Variants in CRTAC1 observed in about 807,000 individuals in gnomAD.
CRTAC1 encodes acidic secreted protein in cartilage.
A neutral mutation model predicts 67.8 loss-of-function variants in CRTAC1; 37 were observed. The ratio of observed to expected loss-of-function variants is 0.55; its 90% CI spans 0.42 to 0.72. CRTAC1 has a LOEUF of 0.72. CRTAC1 is among the 30% of genes least tolerant of loss of function. CRTAC1 has a pLI of 0.00. For missense variants in CRTAC1, 780 were observed against 931.6 expected (o/e 0.84, Z 2.12); for synonymous variants, 348 against 371.0 (o/e 0.94, Z 0.71).
At chr10:97,867,556 G>A (rs2050042514) in intron 14 of CRTAC1, 1 of 152,346 alleles carries the variant, frequency 6.6e-6, no homozygotes, top group South Asian at 2.1e-4. Flanking sequence ...CTGGTCCAAG[G>A]ATCCCCCTGG....
chr10:97,933,548 T>G (rs984066603), intron 3 of CRTAC1, among the ~76,000 whole-genome samples: 4 of 152,216 alleles, frequency 2.6e-5, no homozygotes. Flanking sequence ...GGCCACAACA[T>G]GAACGTACAA....
chr10:97,915,042 T>G lies in CRTAC1; in HGVS notation c.715+2458A>C, dbSNP rs11189429. On this transcript the variant is annotated intron_variant, in intron 5 of 14. Transcript: ENST00000370597. Reference sequence around the variant, plus strand: ...TGAAGGCCGGTACCTGGATAGCACCTTTGCCTAGCCTGCCCTGGGGTGGCT... The same window carrying G: ...TGAAGGCCGGTACCTGGATAGCACCGTTGCCTAGCCTGCCCTGGGGTGGCT... Among the ~76,000 whole-genome samples the G allele has an allele frequency of 1.1e-3, 174 of 152,258 alleles. 2 individuals carry two copies. In the East Asian group the frequency reaches 0.028, roughly 25 times the overall value.
intron 3 of CRTAC1, among the ~76,000 whole-genome samples, chr10:97,933,800 C>T (rs185000243): frequency 6.6e-6 from 1 of 152,330 alleles, no homozygotes; most frequent in African/African-American, 2.4e-5. Flanking sequence ...ATGAAACTAG[C>T]ATGATTCTGA....
intron 14 of CRTAC1, among the ~76,000 whole-genome samples, chr10:97,874,371 C>G (rs2050123693): frequency 6.6e-6 from 1 of 152,236 alleles, no homozygotes; most frequent in African/African-American, 2.4e-5. Flanking sequence ...TAGCTCAGTT[C>G]ACTTTGTTTT....
chr10:97,949,133 C>T (rs1239582754), intron 2 of CRTAC1, among the ~76,000 whole-genome samples: 2 of 152,308 alleles, frequency 1.3e-5, no homozygotes, highest in South Asian at 2.1e-4. Flanking sequence ...AGTCACAGTG[C>T]AGCAGCCTGC....
intron 2 of CRTAC1, among the ~76,000 whole-genome samples, chr10:97,968,435 G>A (rs1020426996): frequency 6.6e-6 from 1 of 152,116 alleles, no homozygotes; most frequent in African/African-American, 2.4e-5. Flanking sequence ...TAGTAGAGAT[G>A]GGGTTTCACC....
chr10:97,948,353 AGAGAGGAGAG>A (rs761542598), intron 2 of CRTAC1, among the ~76,000 whole-genome samples: 1 of 152,162 alleles, frequency 6.6e-6, no homozygotes, highest in Non-Finnish European at 1.5e-5. Flanking sequence ...CTGTTTCCTT[AGAGAGGAGAG>A]GAGAGGAGAG....
At chr10:98,015,774 T>C (rs545631699) in intron 1 of CRTAC1, among the ~76,000 whole-genome samples, 1 of 152,332 alleles carries the variant, frequency 6.6e-6, no homozygotes, top group Non-Finnish European at 1.5e-5. Context: ...AGATTCTGAT[T>C]CAATAATTCT....
chr10:97,908,656 A>G (rs754547373), intron 5 of CRTAC1, among the ~76,000 whole-genome samples: 20 of 152,234 alleles, frequency 1.3e-4, no homozygotes, highest in Non-Finnish European at 2.6e-4. Flanking sequence ...GACGTTAAAC[A>G]ATTACATCCA....
intron 14 of CRTAC1, chr10:97,878,462 TGAA>T: frequency 2.0e-6 from 1 of 504,962 alleles, no homozygotes; most frequent in East Asian, 9.0e-5. Context: ...TTTTTTTTGT[TGAA>T]TATGTTTTTA....
At chr10:97,890,418 G>A (rs982224227) in intron 11 of CRTAC1, among the ~76,000 whole-genome samples, 4 of 152,068 alleles carry the variant, frequency 2.6e-5, no homozygotes, top group African/African-American at 9.7e-5. Context: ...CTTGGACATA[G>A]GTTAAGAGGG....
intron 2 of CRTAC1, among the ~76,000 whole-genome samples, chr10:98,010,662 C>T (rs1034565279): frequency 4.6e-5 from 7 of 152,110 alleles, no homozygotes; most frequent in Non-Finnish European, 2.9e-5. Context: ...TCCATCTTCC[C>T]CCCTCTTTGA....
chr10:97,882,598 T>C (rs1389303171), intron 13 of CRTAC1, among the ~76,000 whole-genome samples, 188 bp downstream of exon 13: 1 of 152,196 alleles, frequency 6.6e-6, no homozygotes, highest in Non-Finnish European at 1.5e-5. Context: ...GGGTCACTAA[T>C]ATCACTCCCA....
chr10:97,914,865 A>G (rs1002347308), intron 5 of CRTAC1, among the ~76,000 whole-genome samples: 16 of 152,142 alleles, frequency 1.1e-4, no homozygotes, highest in African/African-American at 3.6e-4. Context: ...TCTCTCTCCC[A>G]ATCTCTCGCT....
chr10:97,900,277 G>A (rs2050514210), intron 8 of CRTAC1, among the ~76,000 whole-genome samples: 1 of 152,224 alleles, frequency 6.6e-6, no homozygotes, highest in African/African-American at 2.4e-5. Context: ...TTTCCCAAAG[G>A]ATGGTTTGCA....
chr10:98,005,096 A>ATTTTTTTTTTTTTTT, intron 2 of CRTAC1, among the ~76,000 whole-genome samples: 1 of 33,010 alleles, frequency 3.0e-5, no homozygotes, highest in East Asian at 1.2e-3. Flanking sequence ...ATATATATAT[A>ATTTTTTTTTTTTTTT]TATATTTTTT....
At chr10:98,003,470 C>T (rs1474882159) in intron 2 of CRTAC1, among the ~76,000 whole-genome samples, 1 of 152,220 alleles carries the variant, frequency 6.6e-6, no homozygotes, top group East Asian at 1.9e-4. Flanking sequence ...CGCCCACATT[C>T]CTCGGCTCTT....
chr10:97,950,678 C>T (rs1590232791), intron 2 of CRTAC1, among the ~76,000 whole-genome samples: 1 of 152,146 alleles, frequency 6.6e-6, no homozygotes, highest in East Asian at 1.9e-4. Context: ...TCTTGCTGGT[C>T]ACCGCTCATG....
Position 98,030,373 on chromosome 10 carries a change from G to T in CRTAC1, c.24+76C>A. Reference sequence around the variant, plus strand: ...GGCGGCGTCCCCGCCACCCTTGCGGGCGGATCCGGGGGGGCGCGCAGAGCT... The same window carrying T: ...GGCGGCGTCCCCGCCACCCTTGCGGTCGGATCCGGGGGGGCGCGCAGAGCT... On this transcript the variant is annotated intron_variant, in intron 1 of 14. Transcript: ENST00000370597. This position sits in a 1 kb window ranked among gnomAD's most constrained non-coding sequence, Gnocchi z 4.2. 1 of 964,648 alleles carries T rather than the reference G, an allele frequency of 1.0e-6. No individual in the cohort carries two copies. Among genetic ancestry groups the T allele is most frequent in the Non-Finnish European group, 1.4e-6 (1 of 729,818 alleles). 59.8% of individuals were successfully genotyped at this position (964,648 alleles called of 1,614,324 possible).
Sources: gnomAD v4.1 joint callset for allele counts (sites outside exome capture counted in the v4.1 genomes callset) on GRCh38, gnomAD v4.1.1 for gene constraint, Gnocchi (gnomAD v3.1) non-coding constraint, MANE v1.5 for transcripts, NCBI Gene and HGNC (gene_info 2026-07-23, HGNC 2026-07-21) for gene names.